The following FAAH2 variants were observed in gnomAD, a reference collection of about 807,000 sequenced individuals.
FAAH2 encodes fatty acid amide hydrolase 2, also known as fatty-acid amide hydrolase 2.
In FAAH2, 60 loss-of-function variants were observed where a neutral mutation model predicts 36.9. The observed-to-expected ratio is 1.63, with a 90% CI of 1.32 to 2.02. The LOEUF (loss-of-function observed/expected upper bound fraction) is 2.02, where lower values mean the gene tolerates loss of function less well. Ranked by LOEUF, FAAH2 falls within the 30% of genes most tolerant of loss-of-function variation. The pLI is 0.00. For missense variants in FAAH2, 689 were observed against 397.5 expected (o/e 1.73, Z -6.23); for synonymous variants, 214 against 143.8 (o/e 1.49, Z -3.49).
At chrX:57,144,722 C>T in the FAAH2 span, among the ~76,000 whole-genome samples, 1 of 110,363 alleles carries the variant, frequency 9.1e-6, no homozygotes, top group Non-Finnish European at 1.9e-5. Flanking sequence ...ATTCTTCTGC[C>T]TTTATATCCT....
chrX:57,247,868 G>T, the FAAH2 span, among the ~76,000 whole-genome samples: 1 of 112,442 alleles, frequency 8.9e-6, no homozygotes, highest in Non-Finnish European at 1.9e-5. Flanking sequence ...CTGAAAGAGA[G>T]TGTTGTAGAT....
At chrX:57,365,488 A>T (rs1035256790) in intron 5 of FAAH2, among the ~76,000 whole-genome samples, 4 of 111,682 alleles carry the variant, frequency 3.6e-5, no homozygotes, top group Non-Finnish European at 7.5e-5. Context: ...TGCCATTAAC[A>T]TATTTTCTTT....
chrX:57,462,627 C>T (rs1178297796), intron 10 of FAAH2, among the ~76,000 whole-genome samples: 2 of 112,266 alleles, frequency 1.8e-5, no homozygotes. Context: ...TCTAAAAACT[C>T]TAAATAAACT....
intron 10 of FAAH2, among the ~76,000 whole-genome samples, chrX:57,476,437 T>G (rs2057269806): frequency 1.8e-5 from 2 of 111,855 alleles, no homozygotes; most frequent in South Asian, 7.4e-4. Context: ...AGGCCCTTTC[T>G]GCATCTATCA....
chrX:57,132,746 A>G, the FAAH2 span, among the ~76,000 whole-genome samples: 2 of 112,572 alleles, frequency 1.8e-5, no homozygotes, highest in South Asian at 7.3e-4. Flanking sequence ...ACTAAGACAA[A>G]CCTTGTCTCC....
intron 10 of FAAH2, among the ~76,000 whole-genome samples, chrX:57,486,261 T>A (rs1054756449): frequency 2.7e-5 from 3 of 111,686 alleles, no homozygotes; most frequent in Non-Finnish European, 5.6e-5. Flanking sequence ...TTCACAGATA[T>A]TCATGGATCA....
At chrX:57,181,426 G>A in the FAAH2 span, among the ~76,000 whole-genome samples, 11 of 111,054 alleles carry the variant, frequency 9.9e-5, no homozygotes, top group South Asian at 3.8e-4. Flanking sequence ...AATCGCTATC[G>A]TTTTAATATA....
intron 7 of FAAH2, among the ~76,000 whole-genome samples, chrX:57,398,983 T>A (rs1245166140): frequency 9.0e-6 from 1 of 111,354 alleles, no homozygotes; most frequent in Non-Finnish European, 1.9e-5. Context: ...GTAGGCATCA[T>A]GCCATTGAGA....
chrX:57,164,653 T>C, the FAAH2 span, among the ~76,000 whole-genome samples: 5 of 112,417 alleles, frequency 4.4e-5, no homozygotes, highest in Non-Finnish European at 9.4e-5. Context: ...TTTGAAATAA[T>C]TTAGAAATAA....
chrX:57,224,763 C>T, the FAAH2 span, among the ~76,000 whole-genome samples: 12 of 112,359 alleles, frequency 1.1e-4, no homozygotes, highest in South Asian at 3.7e-4. Context: ...GGCCTCAGCC[C>T]GCCTGCACCC....
chrX:57,271,924 G>A, the FAAH2 span, among the ~76,000 whole-genome samples: 3 of 110,771 alleles, frequency 2.7e-5, no homozygotes, highest in African/African-American at 9.8e-5. Flanking sequence ...GACAGAAGTA[G>A]CCTTCAGAAG....
chrX:57,310,669 G>A lies in FAAH2; in HGVS notation c.352G>A (p.Glu118Lys), dbSNP rs1420758939. 3.3e-6 allele frequency: 4 copies of A among 1,207,847 alleles called. No homozygotes were observed. The highest frequency in any genetic ancestry group is 3.4e-6 in the Non-Finnish European group (3 of 894,168). Residue 118 changes from glutamate to lysine, a missense_variant, in exon 3 of 11, where the codon GAA becomes AAA. Coordinates refer to ENST00000374900, the MANE Select transcript of FAAH2 (RefSeq NM_174912.4). ...GAAGCAGGAAGATGAAGCCACCCTGGAAAATAAATGGCCCTTCCTTGGGGT... is the reference window on the plus strand; with the variant it reads ...GAAGCAGGAAGATGAAGCCACCCTGAAAAATAAATGGCCCTTCCTTGGGGT... ...AEKQEDEATL[E>K]NKWPFLGVPL... is the part of the protein sequence containing the mutation.
chrX:57,144,211 G>T, the FAAH2 span, among the ~76,000 whole-genome samples: 31 of 111,186 alleles, frequency 2.8e-4, no homozygotes, highest in African/African-American at 7.8e-4. Context: ...ATGTTATTTG[G>T]TTTTTTCTTT....
intron 7 of FAAH2, among the ~76,000 whole-genome samples, chrX:57,396,204 T>A (rs2055291751): frequency 9.0e-6 from 1 of 111,486 alleles, no homozygotes; most frequent in African/African-American, 3.3e-5. Flanking sequence ...TTGTGTTTAT[T>A]TGAGTCAGCT....
At chrX:57,187,203 A>T in the FAAH2 span, among the ~76,000 whole-genome samples, 2,907 of 110,926 alleles carry the variant, frequency 0.026, 85 homozygotes, top group African/African-American at 0.091. Flanking sequence ...ATGAACATCA[A>T]TTTTTTTTCC....
intron 4 of FAAH2, among the ~76,000 whole-genome samples, chrX:57,335,533 C>T (rs2053526340): frequency 1.8e-5 from 2 of 113,423 alleles, no homozygotes; most frequent in South Asian, 7.1e-4. Flanking sequence ...TGTCCCACCT[C>T]CAGCCCTAAG....
intron 5 of FAAH2, among the ~76,000 whole-genome samples, chrX:57,362,022 G>A (rs922396427): frequency 1.8e-5 from 2 of 111,254 alleles, no homozygotes; most frequent in Admixed American, 1.9e-4. Context: ...GACTATCAGA[G>A]CTCCTCATAA....
chrX:57,383,212 C>T (rs2054906567), intron 7 of FAAH2, among the ~76,000 whole-genome samples: 1 of 111,872 alleles, frequency 8.9e-6, no homozygotes, highest in Non-Finnish European at 1.9e-5. Context: ...AAACCCACAG[C>T]CAATATCATA....
intron 2 of FAAH2, among the ~76,000 whole-genome samples, chrX:57,306,994 G>GATAGATATATATATATATAT (rs770040896): frequency 3.2e-5 from 1 of 31,023 alleles, no homozygotes; most frequent in Non-Finnish European, 7.3e-5. Context: ...CACACACACA[G>GATAGATATATATATATATAT]ATACATATAT....
Sources: gnomAD v4.1 joint callset for allele counts (sites outside exome capture counted in the v4.1 genomes callset) on GRCh38, gnomAD v4.1.1 for gene constraint, MANE v1.5 for transcripts, NCBI Gene and HGNC (gene_info 2026-07-23, HGNC 2026-07-21) for gene names.